TRIP12: variants seen among roughly 807,000 people sequenced by gnomAD.
TRIP12 encodes the protein E3 ubiquitin-protein ligase TRIP12.
In TRIP12, 25 loss-of-function variants were observed where a neutral mutation model predicts 244.2. That is an observed-to-expected ratio of 0.10 (90% CI 0.07 to 0.14). The LOEUF (loss-of-function observed/expected upper bound fraction) is 0.14. Ranked by LOEUF, TRIP12 falls within the 10% of genes least tolerant of loss-of-function variation. The pLI, the probability that TRIP12 is intolerant of heterozygous loss-of-function variation, is 1.00. For synonymous variants in TRIP12, 905 were observed against 873.1 expected, an observed-to-expected ratio of 1.04 and a Z score of -0.64; for missense variants, 1,677 against 2,486.4, an observed-to-expected ratio of 0.67 and a Z score of 6.92.
At chr2:229,878,784 A>G (rs186102406) in intron 2 of TRIP12, among the ~76,000 whole-genome samples, 17 of 151,750 alleles carry the variant, frequency 1.1e-4, no homozygotes, top group East Asian at 6.0e-4. Context: ...GGGTTTCACC[A>G]TGTTAGCCAG....
intron 1 of TRIP12, among the ~76,000 whole-genome samples, chr2:229,915,617 T>C (rs2075231184): frequency 3.6e-5 from 1 of 27,542 alleles, no homozygotes. Flanking sequence ...TTAGTGTCCT[T>C]ATAAAAGTTA....
chr2:229,834,551 G>A (rs2054273399), intron 6 of TRIP12, among the ~76,000 whole-genome samples: 1 of 152,182 alleles, frequency 6.6e-6, no homozygotes, highest in Non-Finnish European at 1.5e-5. Flanking sequence ...CTTGAGGTCA[G>A]GAGTTGGACA....
At chr2:229,803,325 G>A (rs1444871697) in intron 20 of TRIP12, among the ~76,000 whole-genome samples, 1 of 152,176 alleles carries the variant, frequency 6.6e-6, no homozygotes, top group Non-Finnish European at 1.5e-5. Flanking sequence ...TGTTGGCCAG[G>A]CTGGTCTCCA....
At chr2:229,883,964 C>G (rs2065402503) in intron 1 of TRIP12, among the ~76,000 whole-genome samples, 1 of 151,844 alleles carries the variant, frequency 6.6e-6, no homozygotes, top group East Asian at 1.9e-4. Context: ...CAAAAATTAG[C>G]CAGGTGTGGT....
In TRIP12 at chr2:229,767,483, A is replaced by C; in HGVS notation, c.*71T>G. Reference sequence around the variant, plus strand: ...GTAACATGTTTCCTTGACTCAGGTGATAACATTAGAAAAGAAATCATGATT... The same window carrying C: ...GTAACATGTTTCCTTGACTCAGGTGCTAACATTAGAAAAGAAATCATGATT... On this transcript the variant is annotated 3_prime_UTR_variant, in exon 42 of 42. Coordinates refer to ENST00000675903, the MANE Select transcript of TRIP12 (RefSeq NM_001348323.3). The C allele has an allele frequency of 6.7e-7, 1 of 1,501,080 alleles. No individual in the cohort carries two copies. Among genetic ancestry groups the C allele is most frequent in the Non-Finnish European group, 8.9e-7 (1 of 1,122,462 alleles). 93.0% of individuals were successfully genotyped at this position (1,501,080 alleles called of 1,614,324 possible). A position where few individuals can be genotyped will look rare whatever the true frequency, so the allele number is the denominator to read the frequency against.
chr2:229,807,691 T>TA lies in TRIP12; in HGVS notation c.2496+16dup. 6.2e-7 allele frequency: 1 copy of TA among 1,614,062 alleles called. No homozygotes were observed. The highest frequency in any genetic ancestry group is 8.5e-7 in the Non-Finnish European group (1 of 1,179,974). On this transcript the variant is annotated intron_variant, in intron 17 of 41. Coordinates refer to ENST00000675903, the MANE Select transcript of TRIP12 (RefSeq NM_001348323.3). Reference sequence around the variant, plus strand: ...CAACAAAATAGACACATTTAAACGGTACGATGAAACTACTACCTCAATGAT... The same window carrying TA: ...CAACAAAATAGACACATTTAAACGGTAACGATGAAACTACTACCTCAATGAT...
chr2:229,894,838 T>C (rs2068349321), intron 1 of TRIP12, among the ~76,000 whole-genome samples: 1 of 152,190 alleles, frequency 6.6e-6, no homozygotes, highest in African/African-American at 2.4e-5. Context: ...GGGATAGAAC[T>C]TGAGGTGCCA....
chr2:229,836,082 A>G (rs1162920067), intron 6 of TRIP12, among the ~76,000 whole-genome samples: 1 of 152,232 alleles, frequency 6.6e-6, no homozygotes, highest in African/African-American at 2.4e-5. Flanking sequence ...ATGATCAACC[A>G]CAGACATTAA....
At position 229,767,358 on chromosome 2, in the gene TRIP12, G is replaced by GT; in HGVS notation, c.*195dup. 1 of 471,738 alleles carries GT rather than the reference G, an allele frequency of 2.1e-6. No homozygotes were observed. Among genetic ancestry groups the GT allele is most frequent in the Non-Finnish European group, 3.5e-6 (1 of 289,390 alleles). The allele number at this position is 471,738 out of a possible 1,614,324, so 29.2% of individuals were successfully genotyped here. A position where few individuals can be genotyped will look rare whatever the true frequency, so the allele number is the denominator to read the frequency against. Reference sequence around the variant, plus strand: ...GCTAAAGAAACCTCATCACAACAACGTTTTAGGGCCTGATCACTTTAAGTC... The same window carrying GT: ...GCTAAAGAAACCTCATCACAACAACGTTTTTAGGGCCTGATCACTTTAAGTC... On this transcript the variant is annotated 3_prime_UTR_variant, in exon 42 of 42. Transcript: ENST00000675903.
intron 1 of TRIP12, among the ~76,000 whole-genome samples, chr2:229,910,549 C>T (rs911651318): frequency 6.6e-6 from 1 of 152,120 alleles, no homozygotes; most frequent in Non-Finnish European, 1.5e-5. Flanking sequence ...GGTGTATTAG[C>T]TCTTCAGTAA....
chr2:229,908,732 C>T (rs1257467829), intron 1 of TRIP12, among the ~76,000 whole-genome samples: 1 of 127,830 alleles, frequency 7.8e-6, no homozygotes, highest in East Asian at 2.2e-4. Context: ...GACTCCGTCT[C>T]AAAAAAAAAA....
intron 4 of TRIP12, among the ~76,000 whole-genome samples, chr2:229,842,069 C>A (rs946511047): frequency 2.0e-5 from 3 of 152,170 alleles, no homozygotes; most frequent in Admixed American, 6.5e-5. Flanking sequence ...AGATAAAAAT[C>A]TATGTTTAGA....
intron 1 of TRIP12, 58 bp from the exon 2 acceptor site, chr2:229,880,186 G>C (rs1356671296): frequency 9.5e-7 from 1 of 1,049,602 alleles, no homozygotes; most frequent in Non-Finnish European, 1.4e-6. Context: ...ATATGGAAAA[G>C]AAATGAGGGG....
In TRIP12 at chr2:229,792,979, C is replaced by T; in HGVS notation, c.4135G>A (p.Val1379Ile). ...ACAAATATATGGAAAGTACCTCTAA[C>T]TACAAGGTATCTCTCGATGGCTTGT... ...LVQAIERYLVVRGYGRVREDD... is the reference protein window; with the variant it reads ...LVQAIERYLVIRGYGRVREDD... Residue 1379 changes from valine (V) to isoleucine (I), a missense_variant, in exon 27 of 42, where the codon GTT (valine) becomes ATT (isoleucine). Physicochemically the swap from Val to Ile is conservative, Grantham distance 29 (BLOSUM62 3). Coordinates refer to ENST00000675903, the MANE Select transcript of TRIP12 (RefSeq NM_001348323.3). The T allele has an allele frequency of 1.2e-6, 2 of 1,611,632 alleles. No individual in the cohort carries two copies. Among genetic ancestry groups the T allele is most frequent in the East Asian group, 4.5e-5 (2 of 44,844 alleles).
At chr2:229,789,066 C>T (rs752899626) in intron 31 of TRIP12, 126 bp from the exon 32 acceptor site, 260 of 806,168 alleles carry the variant, frequency 3.2e-4, no homozygotes, top group Non-Finnish European at 4.7e-4. Context: ...TTCCAACATA[C>T]AACACACAGC....
intron 1 of TRIP12, 96 bp from the exon 2 acceptor site, chr2:229,880,224 C>A: frequency 1.3e-6 from 1 of 742,190 alleles, no homozygotes; most frequent in South Asian, 1.9e-5. Context: ...AAATTTTCTG[C>A]AAACTATCTG....
intron 2 of TRIP12, among the ~76,000 whole-genome samples, chr2:229,877,059 T>TA (rs537002845): frequency 2.0e-5 from 3 of 151,340 alleles, no homozygotes; most frequent in Non-Finnish European, 4.4e-5. Context: ...TTTTTGCTAT[T>TA]AAAAAAAACT....
intron 11 of TRIP12, 37 bp downstream of exon 11, chr2:229,815,062 G>A (rs768023921): frequency 6.6e-6 from 10 of 1,514,240 alleles, no homozygotes; most frequent in Non-Finnish European, 8.1e-6. Flanking sequence ...GACTCCCTAT[G>A]CCTGCTTTTG....
At position 229,905,223 on chromosome 2, in the gene TRIP12, G is replaced by A. The variant is rs531468839; in HGVS notation, c.-50+16657C>T. On this transcript the variant is annotated intron_variant, in intron 1 of 41. Transcript: ENST00000675903. ...TGGGAGGCAGACGTTGCGGTGAGCCGAGATCGCGCCATTGCACTCCAGCCT... is the reference window on the plus strand; with the variant it reads ...TGGGAGGCAGACGTTGCGGTGAGCCAAGATCGCGCCATTGCACTCCAGCCT... 3.3e-5 allele frequency among the ~76,000 whole-genome samples: 5 copies of A among 150,700 alleles called. No individual in the cohort carries two copies. The East Asian group carries it at 9.7e-4, about 29-fold the overall frequency.
Sources: gnomAD v4.1 joint callset for allele counts (sites outside exome capture counted in the v4.1 genomes callset) on GRCh38, gnomAD v4.1.1 for gene constraint, MANE v1.5 for transcripts, NCBI Gene and HGNC (gene_info 2026-07-23, HGNC 2026-07-21) for gene names.